The following RBM19 variants were observed in gnomAD, a reference collection of about 807,000 sequenced individuals.
The protein encoded by RBM19 is probable RNA-binding protein 19.
A neutral mutation model predicts 116.8 loss-of-function variants in RBM19; 94 were observed. The observed-to-expected ratio is 0.80, with a 90% CI of 0.68 to 0.95. RBM19 has a LOEUF of 0.95. Ranked by LOEUF, RBM19 falls within the 40% of genes least tolerant of loss-of-function variation. The pLI, the probability that RBM19 is intolerant of heterozygous loss-of-function variation, is 0.00. For missense variants in RBM19, 1,161 were observed against 1,220.7 expected (o/e 0.95, Z 0.73); for synonymous variants, 475 against 494.1 (o/e 0.96, Z 0.51).
At chr12:113,918,741 T>A (rs185999651) in intron 19 of RBM19, among the ~76,000 whole-genome samples, 2 of 152,342 alleles carry the variant, frequency 1.3e-5, no homozygotes, top group South Asian at 4.1e-4. Context: ...TTTATAAGCA[T>A]GTTCAGGCAA....
At chr12:113,894,657 A>G (rs1158263581) in intron 21 of RBM19, among the ~76,000 whole-genome samples, 2 of 152,216 alleles carry the variant, frequency 1.3e-5, no homozygotes, top group African/African-American at 2.4e-5. Flanking sequence ...TAAGGTCTTA[A>G]TTATTCTGGA....
At chr12:113,862,864 C>T (rs1878503798) in intron 21 of RBM19, among the ~76,000 whole-genome samples, 2 of 152,202 alleles carry the variant, frequency 1.3e-5, no homozygotes, top group Admixed American at 1.3e-4. Context: ...TTCCCTCCCC[C>T]ACCAGGCTCA....
At chr12:113,836,456 A>G (rs192288030) in intron 23 of RBM19, among the ~76,000 whole-genome samples, 6 of 152,280 alleles carry the variant, frequency 3.9e-5, no homozygotes, top group African/African-American at 1.4e-4. Context: ...ATGCCCTGCC[A>G]TTATACAGGG....
intron 21 of RBM19, among the ~76,000 whole-genome samples, chr12:113,885,867 CT>C (rs1004711498): frequency 0.05 from 6,297 of 125,168 alleles, 165 homozygotes; most frequent in Admixed American, 0.13. Flanking sequence ...TCAGCTTTGC[CT>C]TTTTTTTTTT....
intron 10 of RBM19, 66 bp downstream of exon 10, chr12:113,948,767 C>CGTCA: frequency 6.5e-7 from 1 of 1,528,180 alleles, no homozygotes; most frequent in Non-Finnish European, 9.0e-7. Flanking sequence ...GAACCCAGGA[C>CGTCA]GTCAGAGTGA....
chr12:113,873,689 T>TTAAA (rs1402076580), intron 21 of RBM19, among the ~76,000 whole-genome samples: 1 of 127,690 alleles, frequency 7.8e-6, no homozygotes, highest in African/African-American at 3.0e-5. Flanking sequence ...AAAAATAAAT[T>TTAAA]AAAAAAAAAA....
At chr12:113,911,475 T>A (rs1463149508) in intron 21 of RBM19, among the ~76,000 whole-genome samples, 2 of 152,198 alleles carry the variant, frequency 1.3e-5, no homozygotes, top group Non-Finnish European at 2.9e-5. Flanking sequence ...CTGGGTTCTG[T>A]CTATAAACTC....
At chr12:113,837,400 G>A (rs1876058658) in intron 23 of RBM19, among the ~76,000 whole-genome samples, 1 of 152,190 alleles carries the variant, frequency 6.6e-6, no homozygotes. Flanking sequence ...AGTATTTTTG[G>A]CAACTCAGAA....
chr12:113,959,971 G>A (rs377025513), intron 3 of RBM19, 68 bp from the exon 4 acceptor site: 2 of 1,613,132 alleles, frequency 1.2e-6, no homozygotes, highest in Non-Finnish European at 1.7e-6. Context: ...GAACTGCACT[G>A]ACCTGGGAGG....
intron 23 of RBM19, among the ~76,000 whole-genome samples, chr12:113,842,811 T>TA (rs531141639): frequency 5.4e-4 from 79 of 146,054 alleles, no homozygotes; most frequent in Non-Finnish European, 9.7e-4. Flanking sequence ...TTTATCAGGT[T>TA]AAAAAAAAAA....
chr12:113,926,620 T>G lies in RBM19; in HGVS notation c.2244+434A>C, dbSNP rs149395937. On this transcript the variant is annotated intron_variant, in intron 17 of 23. Coordinates refer to ENST00000261741, the MANE Select transcript of RBM19 (RefSeq NM_016196.4). ...CCTGTCCTTTCATCCCCTTCCCTTT[T>G]CCCATAAATGCAAAAATCTCACCCC... Among the ~76,000 whole-genome samples, 1,070 of 152,040 alleles carry G rather than the reference T, an allele frequency of 7.0e-3. 7 individuals are homozygous for G. Among genetic ancestry groups the G allele is most frequent in the African/African-American group, 0.024 (1,006 of 41,472 alleles).
intron 21 of RBM19, among the ~76,000 whole-genome samples, chr12:113,865,209 A>T (rs1018533369): frequency 4.6e-5 from 7 of 152,070 alleles, no homozygotes; most frequent in Non-Finnish European, 8.8e-5. Flanking sequence ...CCCTGAACCC[A>T]CCAAACGTAT....
At chr12:113,871,073 G>A (rs1391512122) in intron 21 of RBM19, among the ~76,000 whole-genome samples, 1 of 150,556 alleles carries the variant, frequency 6.6e-6, no homozygotes, top group Non-Finnish European at 1.5e-5. Context: ...AGAGACTCAG[G>A]GAACAAGAAG....
intron 23 of RBM19, among the ~76,000 whole-genome samples, chr12:113,826,207 A>G (rs1874845013): frequency 6.6e-6 from 1 of 151,938 alleles, no homozygotes; most frequent in Admixed American, 6.6e-5. Flanking sequence ...ACACTTCCTA[A>G]TCCCTTTCCT....
intron 14 of RBM19, among the ~76,000 whole-genome samples, chr12:113,941,324 G>C (rs1426773217): frequency 1.3e-5 from 2 of 152,176 alleles, no homozygotes; most frequent in African/African-American, 4.8e-5. Context: ...ACAGACTCTG[G>C]GGCCAGAAGG....
intron 16 of RBM19, among the ~76,000 whole-genome samples, chr12:113,933,945 T>G (rs1272367402): frequency 2.6e-5 from 4 of 152,094 alleles, no homozygotes; most frequent in African/African-American, 9.7e-5. Flanking sequence ...CTGTGCCATA[T>G]TTTTCTAAAT....
intron 21 of RBM19, among the ~76,000 whole-genome samples, chr12:113,886,955 G>A (rs1434910653): frequency 6.6e-6 from 1 of 151,842 alleles, no homozygotes; most frequent in Admixed American, 6.6e-5. Flanking sequence ...AGGGAATTCC[G>A]TGTTCATCTA....
At position 113,822,912 on chromosome 12, in the gene RBM19, C is replaced by T; in HGVS notation, c.*312G>A. The T allele has an allele frequency of 3.6e-6, 1 of 281,284 alleles. No homozygotes were observed. The highest frequency in any genetic ancestry group is 6.7e-6 in the Non-Finnish European group (1 of 149,358). The allele number at this position is 281,284 out of a possible 1,614,324, so 17.4% of individuals were successfully genotyped here. A position where few individuals can be genotyped will look rare whatever the true frequency, so the allele number is the denominator to read the frequency against. ...CAGGGGGAGCAGGGGTTCTAGCTCC[C>T]TGTGTAGCTGTTCCCAAGTCTCTCT... On this transcript the variant is annotated 3_prime_UTR_variant, in exon 24 of 24. Transcript: ENST00000261741.
chr12:113,918,240 T>C (rs1332374337), intron 20 of RBM19, 152 bp downstream of exon 20: 3 of 751,534 alleles, frequency 4.0e-6, no homozygotes, highest in Non-Finnish European at 6.9e-6. Flanking sequence ...AATGCCAACA[T>C]AATTAGGCAT....
Sources: allele counts gnomAD v4.1 joint callset (sites outside exome capture counted in the v4.1 genomes callset), GRCh38; gene constraint gnomAD v4.1.1; transcripts MANE v1.5; gene names NCBI Gene and HGNC (gene_info 2026-07-23, HGNC 2026-07-21).